The following ASAP2 variants were observed in gnomAD, a reference collection of about 807,000 sequenced individuals.
The protein encoded by ASAP2 is ArfGAP with SH3 domain, ankyrin repeat and PH domain 2.
ASAP2 carries 45 observed loss-of-function variants against 131.4 expected under a neutral mutation model. The observed-to-expected ratio is 0.34, with a 90% CI of 0.27 to 0.44. The LOEUF (loss-of-function observed/expected upper bound fraction) is 0.44. ASAP2 is among the 20% of genes least tolerant of loss of function. The pLI, the probability that ASAP2 is intolerant of heterozygous loss-of-function variation, is 1.00. For missense variants in ASAP2, 1,011 were observed against 1,297.0 expected, an observed-to-expected ratio of 0.78 and a Z score of 3.39; for synonymous variants, 510 against 503.0, an observed-to-expected ratio of 1.01 and a Z score of -0.19.
intron 1 of ASAP2, among the ~76,000 whole-genome samples, chr2:9,245,855 C>G (rs902606716): frequency 6.6e-6 from 1 of 152,218 alleles, no homozygotes; most frequent in Non-Finnish European, 1.5e-5. Context: ...GTGCCCAGAG[C>G]AGTGCCTGGG....
chr2:9,212,332 A>G (rs1286466162), intron 1 of ASAP2, among the ~76,000 whole-genome samples: 4 of 152,308 alleles, frequency 2.6e-5, no homozygotes, highest in Non-Finnish European at 2.9e-5. Context: ...GCAAGGGTGC[A>G]GGTGGTCCCA....
chr2:9,401,606 C>T (rs547843556), intron 27 of ASAP2, among the ~76,000 whole-genome samples: 1 of 152,318 alleles, frequency 6.6e-6, no homozygotes, highest in South Asian at 2.1e-4. Flanking sequence ...GGGTGGCTTC[C>T]TCCCCTGTTA....
rs1053038410 is a variant in ASAP2 at position 9,207,290 on chromosome 2, C to A, written c.126+60C>A. On this transcript the variant is annotated intron_variant, in intron 1 of 27. Coordinates refer to ENST00000281419, the MANE Select transcript of ASAP2 (RefSeq NM_003887.3). This position sits in a 1 kb window ranked among gnomAD's most constrained non-coding sequence, Gnocchi z 4.1. ...TATCCCGCGCCCCAGCCCCGCCCGC[C>A]GCTCCCGCATCCGCATCCCGAGAAA... is the stretch of plus-strand genomic sequence containing the variant. The A allele has an allele frequency of 2.0e-6, 3 of 1,467,436 alleles. No individual in the cohort carries two copies. Among genetic ancestry groups the A allele is most frequent in the African/African-American group, 2.9e-5 (2 of 68,268 alleles). The allele number at this position is 1,467,436 out of a possible 1,614,324, so 90.9% of individuals were successfully genotyped here. A position where few individuals can be genotyped will look rare whatever the true frequency, so the allele number is the denominator to read the frequency against.
At chr2:9,390,684 G>T (rs543037191) in intron 22 of ASAP2, among the ~76,000 whole-genome samples, 70 of 152,314 alleles carry the variant, frequency 4.6e-4, no homozygotes, top group African/African-American at 1.5e-3. Context: ...CCATGGGAAG[G>T]AGTCGGTGGG....
At chr2:9,360,102 A>G (rs940759813) in intron 15 of ASAP2, among the ~76,000 whole-genome samples, 17 of 152,258 alleles carry the variant, frequency 1.1e-4, no homozygotes, top group African/African-American at 4.1e-4. Flanking sequence ...GTACATTTTC[A>G]AAGAAGCACA....
chr2:9,247,455 A>C (rs556967760), intron 1 of ASAP2, among the ~76,000 whole-genome samples: 5 of 152,316 alleles, frequency 3.3e-5, no homozygotes, highest in Non-Finnish European at 7.3e-5. Flanking sequence ...TTATTACCTC[A>C]TGCGCTGCTT....
intron 1 of ASAP2, among the ~76,000 whole-genome samples, chr2:9,267,174 G>A (rs1375271916): frequency 1.3e-5 from 2 of 151,916 alleles, no homozygotes; most frequent in African/African-American, 4.8e-5. Flanking sequence ...AGATCGGGGG[G>A]TACATGTGTA....
rs1419906145 is a variant in ASAP2, at chr2:9,323,102, T to C, written c.471-19T>C. 7 of 1,613,976 alleles carry C rather than the reference T, an allele frequency of 4.3e-6. No homozygotes were observed. Among genetic ancestry groups the C allele is most frequent in the Non-Finnish European group, 5.9e-6 (7 of 1,179,974 alleles). On this transcript the variant is annotated intron_variant, in intron 5 of 27. Transcript: ENST00000281419. ...CTGTGCCAACAGGCATCTTGATGTATCCTTGCTTTCACACGTAGAACCAAG... is the reference window on the plus strand; with the variant it reads ...CTGTGCCAACAGGCATCTTGATGTACCCTTGCTTTCACACGTAGAACCAAG...
At chr2:9,282,053 A>G (rs1281580365) in intron 2 of ASAP2, among the ~76,000 whole-genome samples, 1 of 152,218 alleles carries the variant, frequency 6.6e-6, no homozygotes, top group Non-Finnish European at 1.5e-5. Flanking sequence ...ACTTTATGAA[A>G]GAAAACTGAG....
intron 1 of ASAP2, among the ~76,000 whole-genome samples, chr2:9,223,576 C>G (rs1023663216): frequency 6.6e-6 from 1 of 152,110 alleles, no homozygotes; most frequent in African/African-American, 2.4e-5. Flanking sequence ...GGAAAATGTA[C>G]TATTAGCTGG....
Position 9,296,133 on chromosome 2 carries a change from G to A in ASAP2, c.200-1167G>A, listed in dbSNP as rs73155668. ...GTTCACATCCAGGTTCACACCGCAG[G>A]TCTGGCTGCCCTGTTGTGCCTGTAA... On this transcript the variant is annotated intron_variant, in intron 2 of 27. Transcript: ENST00000281419. Among the ~76,000 whole-genome samples, 607 of 152,330 alleles carry A rather than the reference G, an allele frequency of 4.0e-3. 1 individual carries two copies. The highest frequency in any genetic ancestry group is 0.014 in the African/African-American group (577 of 41,568).
intron 1 of ASAP2, among the ~76,000 whole-genome samples, chr2:9,239,047 T>C (rs1038954093): frequency 6.6e-6 from 1 of 152,212 alleles, no homozygotes; most frequent in East Asian, 1.9e-4. Context: ...CCCGTGGCGT[T>C]AGCAGCAAGC....
intron 15 of ASAP2, among the ~76,000 whole-genome samples, chr2:9,360,928 T>A (rs1382763152): frequency 6.6e-6 from 1 of 152,212 alleles, no homozygotes; most frequent in Non-Finnish European, 1.5e-5. Flanking sequence ...TCTGTTATAA[T>A]TTTTTAAATG....
chr2:9,317,710 A>G lies in ASAP2; in HGVS notation c.346-814A>G, dbSNP rs375386878. Among the ~76,000 whole-genome samples the G allele has an allele frequency of 3.2e-3, 467 of 148,172 alleles. 6 individuals carry two copies. The highest frequency in any genetic ancestry group is 0.022 in the South Asian group (103 of 4,636). On this transcript the variant is annotated intron_variant, in intron 3 of 27. Coordinates refer to ENST00000281419, the MANE Select transcript of ASAP2 (RefSeq NM_003887.3). ...CTGAAACCCTCACACGCCCACACAC[A>G]CCCATACACAATCACATTCACACTC...
At chr2:9,265,292 C>G (rs1356329754) in intron 1 of ASAP2, among the ~76,000 whole-genome samples, 3 of 152,206 alleles carry the variant, frequency 2.0e-5, no homozygotes, top group Admixed American at 2.0e-4. Flanking sequence ...TGACAACATT[C>G]TACATTACGA....
At chr2:9,339,589 C>T (rs1671443203) in intron 9 of ASAP2, among the ~76,000 whole-genome samples, 1 of 151,994 alleles carries the variant, frequency 6.6e-6, no homozygotes, top group African/African-American at 2.4e-5. Flanking sequence ...GTAAAGATAC[C>T]GTAGTGACCA....
chr2:9,374,723 A>G, intron 16 of ASAP2, 32 bp from the exon 17 acceptor site: 2 of 1,562,558 alleles, frequency 1.3e-6, no homozygotes, highest in Non-Finnish European at 1.7e-6. Context: ...GAAGCCCTTC[A>G]TGATTTGCAA....
At chr2:9,220,875 A>C (rs1662365246) in intron 1 of ASAP2, among the ~76,000 whole-genome samples, 1 of 152,098 alleles carries the variant, frequency 6.6e-6, no homozygotes, top group Admixed American at 6.6e-5. Flanking sequence ...TTGCATATGG[A>C]TATATCTAGT....
intron 24 of ASAP2, among the ~76,000 whole-genome samples, chr2:9,395,031 C>T (rs557873841): frequency 6.6e-4 from 101 of 152,318 alleles, no homozygotes; most frequent in African/African-American, 2.3e-3. Context: ...GCTGGGTCCA[C>T]GGACAGGTCC....
Sources: allele counts gnomAD v4.1 joint callset (sites outside exome capture counted in the v4.1 genomes callset), GRCh38; gene constraint gnomAD v4.1.1; non-coding constraint Gnocchi (gnomAD v3.1); transcripts MANE v1.5; gene names NCBI Gene and HGNC (gene_info 2026-07-23, HGNC 2026-07-21).